Variants in SCRT2 observed in about 807,000 individuals in gnomAD.
SCRT2 encodes the protein transcriptional repressor scratch 2.
A neutral mutation model predicts 3.7 loss-of-function variants in SCRT2; 2 were observed. The observed-to-expected ratio is 0.54, with a 90% CI of 0.22 to 1.70. SCRT2 has a LOEUF of 1.70. Among genes scored for constraint, SCRT2 ranks in the 40% most tolerant of loss-of-function variants. The pLI, the probability that SCRT2 is intolerant of heterozygous loss-of-function variation, is 0.19. For synonymous variants in SCRT2, 256 were observed against 220.6 expected, an observed-to-expected ratio of 1.16 and a Z score of -1.42; for missense variants, 456 against 468.5, an observed-to-expected ratio of 0.97 and a Z score of 0.25.
At position 663,519 on chromosome 20, in the gene SCRT2, G is replaced by A. The variant is rs896051534; in HGVS notation, c.*152C>T. On this transcript the variant is annotated 3_prime_UTR_variant, in exon 2 of 2. Transcript: ENST00000246104. The surrounding 1 kb of genome is among the most constrained non-coding windows in gnomAD (Gnocchi z 6.9). ...AAGTGAGTCGTGGGTTTGGGGGTTG[G>A]GGAGAAAAGTTCCGGGCCGGGCCGG... 9.5e-6 allele frequency: 6 copies of A among 630,110 alleles called. No homozygotes were observed. Among genetic ancestry groups the A allele is most frequent in the Middle Eastern group, 4.8e-4 (1 of 2,082 alleles). 39.0% of individuals were successfully genotyped at this position (630,110 alleles called of 1,614,324 possible). A position where few individuals can be genotyped will look rare whatever the true frequency, so the allele number is the denominator to read the frequency against.
chr20:667,090 C>T lies in SCRT2; in HGVS notation c.134-2629G>A, dbSNP rs902956209. Among the ~76,000 whole-genome samples the T allele has an allele frequency of 6.6e-6, 1 of 152,162 alleles. No homozygotes were observed. The highest frequency in any genetic ancestry group is 1.5e-5 in the Non-Finnish European group (1 of 68,036). ...TGACCTTGGCCAAACGATTTGGCCT[C>T]TGTGTGACTCTACCGTTTCAGTAAG... On this transcript the variant is annotated intron_variant, in intron 1 of 1. Transcript: ENST00000246104. The surrounding 1 kb of genome is among the most constrained non-coding windows in gnomAD (Gnocchi z 4.4).
rs1333243109 is a variant in SCRT2, at chr20:666,839, T to C, written c.134-2378A>G. On this transcript the variant is annotated intron_variant, in intron 1 of 1. Coordinates refer to ENST00000246104, the MANE Select transcript of SCRT2 (RefSeq NM_033129.4). This position sits in a 1 kb window ranked among gnomAD's most constrained non-coding sequence, Gnocchi z 4.4. ...TCTGCATCTCATGTGTCTGGGGCCA[T>C]GGAAGGGGAAGGGTGGTTTGGTTCT... Among the ~76,000 whole-genome samples, 1 of 152,180 alleles carries C rather than the reference T, an allele frequency of 6.6e-6. No homozygotes were observed. The highest frequency in any genetic ancestry group is 1.5e-5 in the Non-Finnish European group (1 of 68,018).
chr20:674,440 CAA>C (rs1984455355), intron 1 of SCRT2, among the ~76,000 whole-genome samples: 3 of 116,286 alleles, frequency 2.6e-5, no homozygotes, highest in East Asian at 2.2e-4. Context: ...CACACACACA[CAA>C]CCCAAAGCTG....
In SCRT2 at chr20:665,764, G is replaced by A. The variant is rs1400270706; in HGVS notation, c.134-1303C>T. On this transcript the variant is annotated intron_variant, in intron 1 of 1. Coordinates refer to ENST00000246104, the MANE Select transcript of SCRT2 (RefSeq NM_033129.4). This position sits in a 1 kb window ranked among gnomAD's most constrained non-coding sequence, Gnocchi z 5.0. ...GATTCCACAGAACAATGAAGGTTAG[G>A]TCCGTTTGGGAGGTTTCCCACCTGG... is the stretch of plus-strand genomic sequence containing the variant. Among the ~76,000 whole-genome samples, 1 of 152,150 alleles carries A rather than the reference G, an allele frequency of 6.6e-6. No homozygotes were observed. Among genetic ancestry groups the A allele is most frequent in the Non-Finnish European group, 1.5e-5 (1 of 68,040 alleles).
chr20:672,568 C>T (rs1984374721), intron 1 of SCRT2, among the ~76,000 whole-genome samples: 1 of 151,978 alleles, frequency 6.6e-6, no homozygotes, highest in Admixed American at 6.6e-5. Context: ...TTTCTCTGAC[C>T]TCCACATTCA....
intron 1 of SCRT2, among the ~76,000 whole-genome samples, chr20:669,478 A>G (rs1176765107): frequency 1.3e-5 from 2 of 152,260 alleles, no homozygotes; most frequent in East Asian, 3.9e-4. Context: ...CCAAGGTGCC[A>G]AACTTTCTCC....
intron 1 of SCRT2, among the ~76,000 whole-genome samples, chr20:672,122 C>G (rs1984352057): frequency 6.6e-6 from 1 of 152,052 alleles, no homozygotes; most frequent in South Asian, 2.1e-4. Flanking sequence ...CTCAGAATCA[C>G]CCAGGGGAGA....
intron 1 of SCRT2, among the ~76,000 whole-genome samples, chr20:672,368 A>T (rs1984360572): frequency 1.3e-5 from 2 of 150,328 alleles, no homozygotes; most frequent in African/African-American, 4.9e-5. Flanking sequence ...GGGAGTAGGA[A>T]GGCAAAGAAG....
intron 1 of SCRT2, among the ~76,000 whole-genome samples, chr20:668,819 T>G (rs1984238184): frequency 6.6e-6 from 1 of 152,198 alleles, no homozygotes; most frequent in Non-Finnish European, 1.5e-5. Flanking sequence ...AGACACTGTC[T>G]CATTTAGCTG....
rs1402269109 is a variant in SCRT2, at chr20:663,753, G to T, written c.842C>A (p.Ser281Tyr). 3 of 1,576,050 alleles carry T rather than the reference G, an allele frequency of 1.9e-6. No homozygotes were observed. The highest frequency in any genetic ancestry group is 1.7e-6 in the Non-Finnish European group (2 of 1,163,538). The change falls in exon 2 of 2, where the codon TCC becomes TAC. Residue 281 changes from serine (S) to tyrosine (Y), a missense_variant. Ser to Tyr is a moderately radical substitution (Grantham distance 144). Transcript: ENST00000246104. The surrounding 1 kb of genome is among the most constrained non-coding windows in gnomAD (Gnocchi z 6.9). ...RQCDKSFALK[S>Y]YLHKHCEAAC... ...CGCCTCGCAGTGCTTGTGGAGGTAGGACTTGAGCGCGAAGCTCTTGTCGCA... is the reference window on the plus strand; with the variant it reads ...CGCCTCGCAGTGCTTGTGGAGGTAGTACTTGAGCGCGAAGCTCTTGTCGCA...
chr20:671,904 G>A (rs1176090533), intron 1 of SCRT2, among the ~76,000 whole-genome samples: 1 of 152,152 alleles, frequency 6.6e-6, no homozygotes, highest in Non-Finnish European at 1.5e-5. Context: ...AGGGGAGGCA[G>A]ACACTCCAGA....
In SCRT2 at chr20:663,555, G is replaced by A; in HGVS notation, c.*116C>T. ...TCCGGGCCGGGCCGGGGGTCCCCAC[G>A]AGAGGGTCATGGGCAGGGAAACGCA... On this transcript the variant is annotated 3_prime_UTR_variant, in exon 2 of 2. Transcript: ENST00000246104. This position sits in a 1 kb window ranked among gnomAD's most constrained non-coding sequence, Gnocchi z 6.9. The A allele has an allele frequency of 2.0e-6, 2 of 1,021,336 alleles. No individual in the cohort carries two copies. The highest frequency in any genetic ancestry group is 2.5e-6 in the Non-Finnish European group (2 of 787,434). 63.3% of individuals were successfully genotyped at this position (1,021,336 alleles called of 1,614,324 possible). A position where few individuals can be genotyped will look rare whatever the true frequency, so the allele number is the denominator to read the frequency against.
intron 1 of SCRT2, among the ~76,000 whole-genome samples, chr20:672,430 T>C (rs996194844): frequency 2.0e-5 from 3 of 150,338 alleles, no homozygotes; most frequent in Non-Finnish European, 3.0e-5. Context: ...TGTGCGCGCG[T>C]GCGTGTGTGT....
In SCRT2 at chr20:675,164, G is replaced by C. The variant is rs979545850; in HGVS notation, c.133+305C>G. Reference sequence around the variant, plus strand: ...TCAGTGCCCAGCGCTGGCCTTTCACGAGCAGCCCCGTCTGTGTTCTCTTGC... The same window carrying C: ...TCAGTGCCCAGCGCTGGCCTTTCACCAGCAGCCCCGTCTGTGTTCTCTTGC... On this transcript the variant is annotated intron_variant, in intron 1 of 1. Coordinates refer to ENST00000246104, the MANE Select transcript of SCRT2 (RefSeq NM_033129.4). This position sits in a 1 kb window ranked among gnomAD's most constrained non-coding sequence, Gnocchi z 6.9. Among the ~76,000 whole-genome samples the C allele has an allele frequency of 1.3e-5, 2 of 152,126 alleles. No homozygotes were observed. Among genetic ancestry groups the C allele is most frequent in the African/African-American group, 4.8e-5 (2 of 41,432 alleles).
chr20:671,199 G>T (rs74359385), intron 1 of SCRT2, among the ~76,000 whole-genome samples: 1,767 of 152,324 alleles, frequency 0.012, 40 homozygotes, highest in African/African-American at 0.04. Flanking sequence ...ACATGGATTT[G>T]TCCTGGATAG....
chr20:664,381 C>A lies in SCRT2; in HGVS notation c.214G>T (p.Ala72Ser). 1 of 1,417,380 alleles carries A rather than the reference C, an allele frequency of 7.1e-7. No individual in the cohort carries two copies. Among genetic ancestry groups the A allele is most frequent in the Middle Eastern group, 2.0e-4 (1 of 5,044 alleles). 87.8% of individuals were successfully genotyped at this position (1,417,380 alleles called of 1,614,324 possible). A position where few individuals can be genotyped will look rare whatever the true frequency, so the allele number is the denominator to read the frequency against. ...TCCTCCGGCGCCGCCGGCGGGTACG[C>A]GGGCTCGGCCGGGGCCAGCTCCAGG... The part of the protein sequence containing the change: ...PGLELAPAEP[A>S]YPPAAPEEYS... Residue 72 changes from alanine (A) to serine (S), a missense_variant, in exon 2 of 2, where the codon GCG (alanine) becomes TCG (serine). Around this residue, in one of 3 missense-constraint regions of SCRT2, gnomAD observed 306 missense variants for 305.3 expected, o/e 1.00. Transcript: ENST00000246104. The surrounding 1 kb of genome is among the most constrained non-coding windows in gnomAD (Gnocchi z 7.9).
At position 664,967 on chromosome 20, in the gene SCRT2, G is replaced by A. The variant is rs1013304191; in HGVS notation, c.134-506C>T. On this transcript the variant is annotated intron_variant, in intron 1 of 1. Coordinates refer to ENST00000246104, the MANE Select transcript of SCRT2 (RefSeq NM_033129.4). The surrounding 1 kb of genome is among the most constrained non-coding windows in gnomAD (Gnocchi z 7.9). ...GCTTGTGATTGGACACCTCCTTCCA[G>A]GGTCGTTGGAAGGACTGAGTAAAGT... Among the ~76,000 whole-genome samples, 25 of 152,170 alleles carry A rather than the reference G, an allele frequency of 1.6e-4. No individual in the cohort carries two copies. Among genetic ancestry groups the A allele is most frequent in the African/African-American group, 5.1e-4 (21 of 41,434 alleles).
At chr20:670,367 C>T (rs1300646155) in intron 1 of SCRT2, among the ~76,000 whole-genome samples, 2 of 152,150 alleles carry the variant, frequency 1.3e-5, no homozygotes, top group African/African-American at 4.8e-5. Flanking sequence ...ACTCAGAGGG[C>T]CCATTCCAAA....
Position 663,878 on chromosome 20 carries a change from C to G in SCRT2, c.717G>C (p.Pro239=), listed in dbSNP as rs1184638415. The change falls in exon 2 of 2, where the codon CCG becomes CCC. Residue 239 remains proline (P), a synonymous_variant. Coordinates refer to ENST00000246104, the MANE Select transcript of SCRT2 (RefSeq NM_033129.4). The surrounding 1 kb of genome is among the most constrained non-coding windows in gnomAD (Gnocchi z 6.9). ...GHMRSHTGEK[P]FGCAHCGKAF... ...CCTTGCCGCAGTGCGCGCAGCCGAA[C>G]GGCTTTTCGCCGGTGTGCGAGCGCA... The G allele has an allele frequency of 6.2e-7, 1 of 1,601,462 alleles. No individual in the cohort carries two copies. The highest frequency in any genetic ancestry group is 2.2e-5 in the East Asian group (1 of 44,498).
Sources: allele counts gnomAD v4.1 joint callset (sites outside exome capture counted in the v4.1 genomes callset), GRCh38; gene constraint gnomAD v4.1.1; regional missense constraint gnomAD v4.1.1; non-coding constraint Gnocchi (gnomAD v3.1); transcripts MANE v1.5; gene names NCBI Gene and HGNC (gene_info 2026-07-23, HGNC 2026-07-21).